The following EXPH5 variants were observed in gnomAD, a reference collection of about 807,000 sequenced individuals.
EXPH5 encodes the protein exophilin-5.
Under a neutral mutation model 41.1 loss-of-function variants are expected in EXPH5, and 42 were observed. The observed-to-expected ratio is 1.02, with a 90% CI of 0.80 to 1.32. EXPH5 has a LOEUF of 1.32. Among genes scored for constraint, EXPH5 ranks in the 40% most tolerant of loss-of-function variants. EXPH5 has a pLI of 0.00. For synonymous variants in EXPH5, 798 were observed against 833.5 expected (o/e 0.96, Z 0.73); for missense variants, 2,298 against 2,314.5 (o/e 0.99, Z 0.15).
intron 1 of EXPH5, among the ~76,000 whole-genome samples, chr11:108,544,294 A>T (rs776086020): frequency 1.2e-4 from 18 of 152,030 alleles, no homozygotes; most frequent in Non-Finnish European, 2.5e-4. Context: ...GGCTCAAGTG[A>T]TCCTCTGGCC....
chr11:108,582,493 C>G (rs1188696843), intron 1 of EXPH5, among the ~76,000 whole-genome samples: 1 of 151,612 alleles, frequency 6.6e-6, no homozygotes, highest in East Asian at 1.9e-4. Context: ...GATAGAAAAC[C>G]AGAAAACTAT....
rs764537750 is a variant in EXPH5 at position 108,513,682 on chromosome 11, G to A, written c.1825C>T (p.His609Tyr). The A allele has an allele frequency of 8.1e-6, 13 of 1,612,408 alleles. No homozygotes were observed. Among genetic ancestry groups the A allele is most frequent in the Admixed American group, 1.7e-5 (1 of 59,730 alleles). The change falls in exon 6 of 6, where the codon CAT becomes TAT. Residue 609 changes from histidine (H) to tyrosine (Y), a missense_variant. His to Tyr is a moderately conservative substitution (Grantham distance 83, BLOSUM62 2). Coordinates refer to ENST00000265843, the MANE Select transcript of EXPH5 (RefSeq NM_015065.3). ...SQQDSSPVEV[H>Y]INKEASSFGI... is the part of the protein sequence containing the mutation. ...AATGAGGAAGCTTCTTTGTTTATAT[G>A]TACTTCTACAGGAGAACTGTCCTGT...
Position 108,513,330 on chromosome 11 carries a change from AT to A in EXPH5, c.2176del (p.Ile726TyrfsTer38), listed in dbSNP as rs749091797. ...KMDQTNKAGE[I>X]PQPVSQTGIS... is the part of the protein sequence containing the mutation. ...CCCTGTCTGTGAAACAGGTTGGGGT[AT>A]TTCACCTGCCTTGTTTGTCTGGTCC... On this transcript the variant is annotated frameshift_variant, in exon 6 of 6. Transcript: ENST00000265843. LOFTEE classifies it low-confidence loss of function (END_TRUNC). The A allele has an allele frequency of 1.9e-6, 3 of 1,613,758 alleles. No individual in the cohort carries two copies. The highest frequency in any genetic ancestry group is 1.7e-5 in the Admixed American group (1 of 59,966).
chr11:108,589,382 G>A (rs1463399931), intron 1 of EXPH5, among the ~76,000 whole-genome samples: 1 of 152,198 alleles, frequency 6.6e-6, no homozygotes, highest in East Asian at 1.9e-4. Flanking sequence ...TCTGCCGGAT[G>A]TGGCAGCTGC....
In EXPH5 at chr11:108,510,204, C is replaced by T; in HGVS notation, c.5303G>A (p.Ser1768Asn). The part of the protein sequence containing the change: ...LEPAQKSRVS[S>N]PLASFLQQQR... ...TTGCTGCAGAAAACTGGCCAGTGGA[C>T]TGCTTACTCTAGATTTCTGTGCAGG... The change falls in exon 6 of 6, where the codon AGT (serine) becomes AAT (asparagine). Residue 1768 changes from serine to asparagine, a missense_variant. By Grantham distance (46) the Ser-to-Asn change is conservative. Coordinates refer to ENST00000265843, the MANE Select transcript of EXPH5 (RefSeq NM_015065.3). The T allele has an allele frequency of 6.2e-7, 1 of 1,613,974 alleles. No homozygotes were observed. The highest frequency in any genetic ancestry group is 2.2e-5 in the East Asian group (1 of 44,866).
intron 1 of EXPH5, among the ~76,000 whole-genome samples, chr11:108,575,987 A>G (rs528531753): frequency 6.6e-6 from 1 of 152,338 alleles, no homozygotes; most frequent in Admixed American, 6.5e-5. Context: ...ATTAAATAAA[A>G]TAAAATGACA....
intron 4 of EXPH5, among the ~76,000 whole-genome samples, chr11:108,522,227 A>G (rs1267444266): frequency 1.3e-5 from 2 of 151,984 alleles, no homozygotes; most frequent in African/African-American, 4.8e-5. Flanking sequence ...GTTAGTCAAT[A>G]GTAGGTATCA....
At chr11:108,597,953 T>G (rs2094141020), upstream of EXPH5, among the ~76,000 whole-genome samples, 1 of 152,230 alleles carries the variant, frequency 6.6e-6, no homozygotes, top group Non-Finnish European at 1.5e-5. Flanking sequence ...CTAGGAGCTG[T>G]GTAGACAAGA....
intron 5 of EXPH5, among the ~76,000 whole-genome samples, chr11:108,516,252 T>G (rs2093726145): frequency 6.6e-6 from 1 of 152,244 alleles, no homozygotes; most frequent in Admixed American, 6.5e-5. Flanking sequence ...TCAAAGTCAG[T>G]GCCCAGGGGC....
intron 1 of EXPH5, among the ~76,000 whole-genome samples, chr11:108,555,352 G>A (rs947291653): frequency 6.6e-6 from 1 of 152,180 alleles, no homozygotes; most frequent in African/African-American, 2.4e-5. Flanking sequence ...CTGGATTCTA[G>A]TCTAATTTCA....
At chr11:108,524,904 G>A (rs758563511) in intron 4 of EXPH5, among the ~76,000 whole-genome samples, 1 of 152,148 alleles carries the variant, frequency 6.6e-6, no homozygotes, top group Non-Finnish European at 1.5e-5. Context: ...GCCTGATATG[G>A]TTCGGTTGTG....
Position 108,509,703 on chromosome 11 carries a change from G to A in EXPH5, c.5804C>T (p.Ser1935Leu), listed in dbSNP as rs2093663538. ...DLRNPPNPSESLSSNSPSSQV... is the reference protein window; with the variant it reads ...DLRNPPNPSELLSSNSPSSQV... ...ACTACTGGGAGAATTTGAGCTTAAT[G>A]ACTCTGAGGGGTTGGGAGGGTTCCT... Residue 1935 changes from serine to leucine, a missense_variant, in exon 6 of 6, where the codon TCA (serine) becomes TTA (leucine). Transcript: ENST00000265843. 1 of 1,611,888 alleles carries A rather than the reference G, an allele frequency of 6.2e-7. No homozygotes were observed. The highest frequency in any genetic ancestry group is 1.3e-5 in the African/African-American group (1 of 74,758).
chr11:108,516,452 G>A (rs553772753), intron 5 of EXPH5, among the ~76,000 whole-genome samples: 1 of 152,064 alleles, frequency 6.6e-6, no homozygotes, highest in South Asian at 2.1e-4. Context: ...ATTTTGAATA[G>A]AATCATAATC....
At chr11:108,580,273 T>C (rs1326908475) in intron 1 of EXPH5, among the ~76,000 whole-genome samples, 1 of 151,974 alleles carries the variant, frequency 6.6e-6, no homozygotes, top group Non-Finnish European at 1.5e-5. Flanking sequence ...AAAGAAGACA[T>C]ACAAATGGGT....
intron 1 of EXPH5, among the ~76,000 whole-genome samples, chr11:108,553,461 TAGCTCATCAG>T (rs935613098): frequency 1.6e-4 from 24 of 152,182 alleles, no homozygotes; most frequent in Non-Finnish European, 5.9e-5. Flanking sequence ...GTCCCTCTTG[TAGCTCATCAG>T]AGCTCTTCTG....
intron 2 of EXPH5, among the ~76,000 whole-genome samples, chr11:108,541,321 A>G (rs1304921744): frequency 2.6e-5 from 4 of 152,224 alleles, no homozygotes; most frequent in African/African-American, 9.6e-5. Context: ...CAGAGAATAA[A>G]TGACTTGGAC....
chr11:108,546,823 A>AT (rs5794595), intron 1 of EXPH5, among the ~76,000 whole-genome samples: 3 of 144,764 alleles, frequency 2.1e-5, no homozygotes, highest in African/African-American at 7.6e-5. Flanking sequence ...ATTTTCTATT[A>AT]TTTTTTTTTT....
intron 1 of EXPH5, among the ~76,000 whole-genome samples, chr11:108,566,515 A>G (rs1247934642): frequency 6.6e-6 from 1 of 152,166 alleles, no homozygotes; most frequent in African/African-American, 2.4e-5. Flanking sequence ...GTTGATTATT[A>G]TCTATTAATA....
At chr11:108,595,888 G>T (rs916549261), upstream of EXPH5, among the ~76,000 whole-genome samples, 1 of 152,078 alleles carries the variant, frequency 6.6e-6, no homozygotes, top group Non-Finnish European at 1.5e-5. Flanking sequence ...AGGTTTTGAG[G>T]GTGATAATGA....
Sources: gnomAD v4.1 joint callset for allele counts (sites outside exome capture counted in the v4.1 genomes callset) on GRCh38, gnomAD v4.1.1 for gene constraint, MANE v1.5 for transcripts, NCBI Gene and HGNC (gene_info 2026-07-23, HGNC 2026-07-21) for gene names.